The following CTPS2 variants were observed in gnomAD, a reference collection of about 807,000 sequenced individuals.
The protein encoded by CTPS2 is CTP synthase 2.
In CTPS2, 19 loss-of-function variants were observed where a neutral mutation model predicts 46.8. That is an observed-to-expected ratio of 0.41 (90% confidence interval 0.28 to 0.60). The LOEUF (loss-of-function observed/expected upper bound fraction) is 0.60. CTPS2 is among the 20% of genes least tolerant of loss of function. The pLI is 0.35. For synonymous variants in CTPS2, 151 were observed against 165.2 expected (o/e 0.91, Z 0.66); for missense variants, 286 against 447.6 (o/e 0.64, Z 3.26).
At chrX:16,710,550 G>C (rs1192585841) in intron 1 of CTPS2, among the ~76,000 whole-genome samples, 1 of 112,109 alleles carries the variant, frequency 8.9e-6, no homozygotes, top group East Asian at 2.8e-4. Context: ...AAAGCACCTT[G>C]GATATTTTAG....
intron 17 of CTPS2, among the ~76,000 whole-genome samples, chrX:16,609,077 T>C (rs948354085): frequency 9.0e-6 from 1 of 111,586 alleles, no homozygotes; most frequent in Non-Finnish European, 1.9e-5. Flanking sequence ...AAAACTACCA[T>C]TAACAATTTA....
At chrX:16,620,133 T>G in intron 15 of CTPS2, 144 bp downstream of exon 15, 3 of 440,773 alleles carry the variant, frequency 6.8e-6, no homozygotes, top group Admixed American at 3.5e-5. Context: ...CCTCTGGAAG[T>G]GGGAGACTGT....
chrX:16,596,085 G>A (rs1211594512), intron 17 of CTPS2, among the ~76,000 whole-genome samples: 1 of 111,225 alleles, frequency 9.0e-6, no homozygotes, highest in Admixed American at 9.5e-5. Context: ...TGTTGCCCAG[G>A]CTGGCCTAGA....
intron 13 of CTPS2, among the ~76,000 whole-genome samples, chrX:16,651,754 C>T (rs1932646065): frequency 8.9e-6 from 1 of 111,972 alleles, no homozygotes; most frequent in African/African-American, 3.2e-5. Flanking sequence ...CAAAATCACC[C>T]CAGAGTTGTC....
chrX:16,652,136 A>T (rs1395367916), intron 13 of CTPS2, among the ~76,000 whole-genome samples: 1 of 111,926 alleles, frequency 8.9e-6, no homozygotes, highest in Non-Finnish European at 1.9e-5. Flanking sequence ...TATTAAGGGT[A>T]GTCAGATACA....
chrX:16,621,061 T>G (rs1930799692), intron 14 of CTPS2, among the ~76,000 whole-genome samples: 1 of 111,323 alleles, frequency 9.0e-6, no homozygotes, highest in African/African-American at 3.3e-5. Context: ...AGCACATCTA[T>G]GCCAACAGCT....
rs1276539401 is a variant in CTPS2, at chrX:16,693,173, C to T, written c.607G>A (p.Ala203Thr). 12 of 1,209,885 alleles carry T rather than the reference C, an allele frequency of 9.9e-6. No homozygotes were observed. Among genetic ancestry groups the T allele is most frequent in the Non-Finnish European group, 1.3e-5 (12 of 894,310 alleles). Residue 203 changes from alanine to threonine, a missense_variant, in exon 6 of 19, where the codon GCA becomes ACA. Ala to Thr is a moderately conservative substitution (Grantham distance 58). Coordinates refer to ENST00000359276, the MANE Select transcript of CTPS2 (RefSeq NM_175859.3). ...KTKPTQNSVR[A>T]LRGLGLSPDL... ...GGAGACAGGCCTAAACCCCTCAGTG[C>T]GCGGACGCTGTTTTGGGTGGGTTTG... is the stretch of plus-strand genomic sequence containing the variant.
In CTPS2 at chrX:16,698,994, G is replaced by C. The variant is rs753050665; in HGVS notation, c.266C>G (p.Thr89Ser). The C allele has an allele frequency of 8.4e-7, 1 of 1,195,859 alleles. No homozygotes were observed. Among genetic ancestry groups the C allele is most frequent in the African/African-American group, 1.8e-5 (1 of 56,907 alleles). ...DINLYKDNNITTGKIYQHVIN... is the reference protein window; with the variant it reads ...DINLYKDNNISTGKIYQHVIN... ...CACATGCTGATATATCTTCCCCGTG[G>C]TGATATTGTTGTCTTTATAAAGATT... is the stretch of plus-strand genomic sequence containing the variant. Residue 89 changes from threonine (T) to serine (S), a missense_variant, in exon 3 of 19, where the codon ACC (threonine) becomes AGC (serine). By Grantham distance (58) the Thr-to-Ser change is moderately conservative. Transcript: ENST00000359276.
rs756933759 is a variant in CTPS2 at position 16,614,901 on chromosome X, G to A, written c.1546+2249C>T. ...CAAAAAAAATTTTAAAATTGGCTGC[G>A]CGTCGTGGCTCATGCCTGTAATCCC... On this transcript the variant is annotated intron_variant, in intron 16 of 18. Transcript: ENST00000359276. Among the ~76,000 whole-genome samples the A allele has an allele frequency of 6.2e-5, 7 of 112,454 alleles. No homozygotes were observed. In the East Asian group the frequency reaches 8.4e-4, roughly 13 times the overall value.
chrX:16,615,720 C>T (rs1719274963), intron 16 of CTPS2, among the ~76,000 whole-genome samples: 1 of 111,765 alleles, frequency 8.9e-6, no homozygotes, highest in South Asian at 3.8e-4. Context: ...CATGGCTGTC[C>T]ACTGTTCATC....
intron 16 of CTPS2, among the ~76,000 whole-genome samples, chrX:16,616,101 C>T (rs1045706118): frequency 1.8e-5 from 2 of 111,939 alleles, no homozygotes; most frequent in Non-Finnish European, 3.8e-5. Flanking sequence ...CAGTAGTTTG[C>T]CAACCCCTGG....
chrX:16,681,207 T>C (rs1242352882), intron 9 of CTPS2, among the ~76,000 whole-genome samples: 4 of 111,081 alleles, frequency 3.6e-5, no homozygotes, highest in African/African-American at 1.3e-4. Flanking sequence ...AACTAATTAA[T>C]TAATTAAAAA....
intron 11 of CTPS2, among the ~76,000 whole-genome samples, chrX:16,669,729 C>G (rs190464950): frequency 1.6e-3 from 175 of 109,752 alleles, no homozygotes; most frequent in Non-Finnish European, 2.5e-3. Flanking sequence ...AATAAATGGT[C>G]TGCTGGCACT....
At chrX:16,624,686 C>G (rs1368893036) in intron 14 of CTPS2, among the ~76,000 whole-genome samples, 1 of 112,169 alleles carries the variant, frequency 8.9e-6, no homozygotes, top group Non-Finnish European at 1.9e-5. Flanking sequence ...AGTCCTCTGT[C>G]ACAGGTGCCA....
chrX:16,595,855 G>A (rs191736400), intron 17 of CTPS2, among the ~76,000 whole-genome samples: 180 of 111,149 alleles, frequency 1.6e-3, no homozygotes, highest in African/African-American at 5.5e-3. Flanking sequence ...CCATGCAATG[G>A]TCCTTGTCAT....
intron 17 of CTPS2, among the ~76,000 whole-genome samples, chrX:16,607,866 C>T (rs1373825700): frequency 2.7e-5 from 3 of 112,878 alleles, no homozygotes; most frequent in Non-Finnish European, 5.6e-5. Context: ...GTACGATATC[C>T]TTGGATGAGA....
At chrX:16,710,603 A>G (rs1290146632) in intron 1 of CTPS2, among the ~76,000 whole-genome samples, 1 of 111,225 alleles carries the variant, frequency 9.0e-6, no homozygotes, top group Non-Finnish European at 1.9e-5. Context: ...GGGGACACCT[A>G]ATTCTTCCTA....
chrX:16,705,109 T>G (rs1291472563), intron 1 of CTPS2, among the ~76,000 whole-genome samples: 1 of 108,025 alleles, frequency 9.3e-6, no homozygotes. Flanking sequence ...CTCTGTACTT[T>G]CCACTGAGTT....
intron 17 of CTPS2, among the ~76,000 whole-genome samples, chrX:16,603,632 A>G (rs1319698984): frequency 9.1e-6 from 1 of 110,164 alleles, no homozygotes; most frequent in Non-Finnish European, 1.9e-5. Flanking sequence ...AGCCACAGAA[A>G]GAATCATATA....
Sources: gnomAD v4.1 joint callset for allele counts (sites outside exome capture counted in the v4.1 genomes callset) on GRCh38, gnomAD v4.1.1 for gene constraint, MANE v1.5 for transcripts, NCBI Gene and HGNC (gene_info 2026-07-23, HGNC 2026-07-21) for gene names.